The following MBTPS1 variants were observed in gnomAD, a reference collection of about 807,000 sequenced individuals.
MBTPS1 encodes the protein membrane-bound transcription factor site-1 protease.
A neutral mutation model predicts 127.8 loss-of-function variants in MBTPS1; 94 were observed. The observed-to-expected ratio is 0.74, with a 90% CI of 0.62 to 0.87. The LOEUF (loss-of-function observed/expected upper bound fraction) is 0.87. MBTPS1 is among the 40% of genes least tolerant of loss of function. The probability of loss-of-function intolerance (pLI) is 0.00; values close to 1 mark genes in which losing one functional copy is unlikely to be tolerated. For synonymous variants in MBTPS1, 632 were observed against 509.4 expected (o/e 1.24, Z -3.24); for missense variants, 1,636 against 1,353.2 (o/e 1.21, Z -3.28).
intron 11 of MBTPS1, chr16:84,075,709 G>T (rs2085846033): frequency 6.6e-6 from 1 of 152,178 alleles, no homozygotes; most frequent in South Asian, 2.1e-4. Context: ...GATGTATCTG[G>T]GCCAACTGAA....
chr16:84,059,765 C>A, intron 20 of MBTPS1: 1 of 166,704 alleles, frequency 6.0e-6, no homozygotes, highest in Non-Finnish European at 1.3e-5. Flanking sequence ...AGACCGGTTT[C>A]ATGGAAAAAA....
chr16:84,084,768 TTATA>T (rs991244100), intron 10 of MBTPS1, among the ~76,000 whole-genome samples: 44 of 152,346 alleles, frequency 2.9e-4, no homozygotes, highest in Admixed American at 5.2e-4. Context: ...TTACTTAGGC[TTATA>T]AAGTGTGTTC....
chr16:84,080,921 A>T (rs546885574), intron 11 of MBTPS1, among the ~76,000 whole-genome samples: 5 of 152,188 alleles, frequency 3.3e-5, no homozygotes, highest in African/African-American at 1.2e-4. Context: ...ACATTAATCA[A>T]ATGATGAAAA....
At chr16:84,083,683 T>C (rs772373707) in intron 10 of MBTPS1, among the ~76,000 whole-genome samples, 1 of 152,196 alleles carries the variant, frequency 6.6e-6, no homozygotes, top group Non-Finnish European at 1.5e-5. Context: ...GAACTTAAAA[T>C]ATAAAGACAT....
At chr16:84,110,667 C>T (rs968160771) in intron 1 of MBTPS1, 2 of 152,180 alleles carry the variant, frequency 1.3e-5, no homozygotes, top group African/African-American at 2.4e-5. Context: ...GTTACTACCC[C>T]CACTTTCAGA....
rs574797728 is a variant in MBTPS1 at position 84,110,100 on chromosome 16, T to G, written c.-325+6635A>C. Among the ~76,000 whole-genome samples the G allele has an allele frequency of 2.6e-5, 4 of 152,368 alleles. No homozygotes were observed. The East Asian group carries it at 7.7e-4, about 29-fold the overall frequency. On this transcript the variant is annotated intron_variant, in intron 1 of 22. Transcript: ENST00000343411. ...ACGCATGAGGCTGGGCTATTTTAAA[T>G]GTGGTGACAGGCACATTCTAAGCCT...
At chr16:84,114,578 C>G (rs1340302938) in intron 1 of MBTPS1, among the ~76,000 whole-genome samples, 1 of 151,902 alleles carries the variant, frequency 6.6e-6, no homozygotes, top group African/African-American at 2.4e-5. Context: ...CGCCTGTAAT[C>G]CCAGCACTTT....
chr16:84,066,707 C>T, intron 16 of MBTPS1, 94 bp from the exon 17 acceptor site: 1 of 1,274,896 alleles, frequency 7.8e-7, no homozygotes, highest in South Asian at 1.4e-5. Flanking sequence ...ATTTCTCCTG[C>T]CACAATCCAG....
chr16:84,079,598 C>T (rs1001544201), intron 11 of MBTPS1, among the ~76,000 whole-genome samples: 7 of 152,304 alleles, frequency 4.6e-5, no homozygotes, highest in South Asian at 2.1e-4. Context: ...CTGCTCAGTA[C>T]GTATACACTA....
intron 1 of MBTPS1, among the ~76,000 whole-genome samples, chr16:84,108,116 G>A (rs1384983624): frequency 2.0e-5 from 3 of 151,930 alleles, no homozygotes; most frequent in Non-Finnish European, 4.4e-5. Context: ...TGTGACGAAT[G>A]GTCCCTCCTG....
In MBTPS1 at chr16:84,089,464, A is replaced by G. The variant is rs114713938; in HGVS notation, c.1031+1411T>C. On this transcript the variant is annotated intron_variant, in intron 8 of 22. Coordinates refer to ENST00000343411, the MANE Select transcript of MBTPS1 (RefSeq NM_003791.4). ...AAATGTGGATTTCATCTATTAGGCA[A>G]TAATAAACTGCTGCAGATTCTTGAT... Among the ~76,000 whole-genome samples, 514 of 152,396 alleles carry G rather than the reference A, an allele frequency of 3.4e-3. 3 individuals are homozygous for G. Among genetic ancestry groups the G allele is most frequent in the African/African-American group, 0.011 (474 of 41,590 alleles).
At chr16:84,062,624 G>A (rs997440506) in intron 19 of MBTPS1, among the ~76,000 whole-genome samples, 1 of 152,058 alleles carries the variant, frequency 6.6e-6, no homozygotes, top group Non-Finnish European at 1.5e-5. Flanking sequence ...TTCAGTCCTG[G>A]TGTCATTATC....
In MBTPS1 at chr16:84,070,737, T is replaced by C; in HGVS notation, c.1633A>G (p.Ile545Val). 1 of 1,614,016 alleles carries C rather than the reference T, an allele frequency of 6.2e-7. No individual in the cohort carries two copies. Among genetic ancestry groups the C allele is most frequent in the Non-Finnish European group, 8.5e-7 (1 of 1,179,972 alleles). Residue 545 changes from isoleucine to valine, a missense_variant, in exon 13 of 23, where the codon ATT becomes GTT. Physicochemically the swap from Ile to Val is conservative, Grantham distance 29. Coordinates refer to ENST00000343411, the MANE Select transcript of MBTPS1 (RefSeq NM_003791.4). ...QPYLPQNGDN[I>V]EVAFSYSSVL... Reference sequence around the variant, plus strand: ...GAGGAGTAGGAGAAGGCAACTTCAATGTTGTCTCCGTTCTGTGGCAAATAG... The same window carrying C: ...GAGGAGTAGGAGAAGGCAACTTCAACGTTGTCTCCGTTCTGTGGCAAATAG...
At chr16:84,116,278 G>C (rs1000944692) in intron 1 of MBTPS1, among the ~76,000 whole-genome samples, 1 of 152,192 alleles carries the variant, frequency 6.6e-6, no homozygotes. Flanking sequence ...AGAAGCTACA[G>C]GTTTAAAAGG....
At chr16:84,059,949 A>C (rs1459362640) in intron 20 of MBTPS1, 1 of 152,482 alleles carries the variant, frequency 6.6e-6, no homozygotes, top group Non-Finnish European at 1.5e-5. Flanking sequence ...CTTGGGCTCA[A>C]GTATATTATT....
chr16:84,099,110 T>A lies in MBTPS1; in HGVS notation c.364A>T (p.Asn122Tyr), dbSNP rs200595364. 1.9e-5 allele frequency: 31 copies of A among 1,614,088 alleles called. No homozygotes were observed. Among genetic ancestry groups the A allele is most frequent in the Non-Finnish European group, 2.5e-5 (29 of 1,180,042 alleles). ...AGLLTLEDHP[N>Y]IKRVTPQRKV... ...CGTTGGGGCGTGACCCGTTTGATGTTTGGATGATCTTCAAGTGTTAGCAGC... is the reference window on the plus strand; with the variant it reads ...CGTTGGGGCGTGACCCGTTTGATGTATGGATGATCTTCAAGTGTTAGCAGC... Residue 122 changes from asparagine to tyrosine, a missense_variant, in exon 3 of 23, where the codon AAC becomes TAC. By Grantham distance (143) the Asn-to-Tyr change is moderately radical. Coordinates refer to ENST00000343411, the MANE Select transcript of MBTPS1 (RefSeq NM_003791.4).
chr16:84,116,746 G>C lies in MBTPS1; in HGVS notation c.-336C>G, dbSNP rs1036387612. 1 of 152,148 alleles carries C rather than the reference G, an allele frequency of 6.6e-6. No individual in the cohort carries two copies. Among genetic ancestry groups the C allele is most frequent in the Non-Finnish European group, 1.5e-5 (1 of 68,038 alleles). The allele number at this position is 152,148 out of a possible 1,614,324, so 9.4% of individuals were successfully genotyped here. ...GGCGGCTGACGTACCTGCGCCGCCG[G>C]GAGCTCAGGGCCGGCGGGCCCGGGA... On this transcript the variant is annotated 5_prime_UTR_variant, in exon 1 of 23. Transcript: ENST00000343411.
Position 84,089,995 on chromosome 16 carries a change from C to T in MBTPS1, c.1031+880G>A, listed in dbSNP as rs897068833. On this transcript the variant is annotated intron_variant, in intron 8 of 22. Transcript: ENST00000343411. ...TGGCTCATGATACGTATCACTGATG[C>T]GACAGCAAAATCCAGAACCCTGGAC... is the stretch of plus-strand genomic sequence containing the variant. 2.0e-5 allele frequency among the ~76,000 whole-genome samples: 3 copies of T among 152,140 alleles called. 1 individual carries two copies. Among genetic ancestry groups the T allele is most frequent in the South Asian group, 4.1e-4 (2 of 4,832 alleles).
intron 3 of MBTPS1, among the ~76,000 whole-genome samples, chr16:84,096,915 T>C (rs1349588139): frequency 6.6e-6 from 1 of 152,200 alleles, no homozygotes. Context: ...ACCTCCAGTA[T>C]TATACTCAGT....
Sources: allele counts gnomAD v4.1 joint callset (sites outside exome capture counted in the v4.1 genomes callset), GRCh38; gene constraint gnomAD v4.1.1; transcripts MANE v1.5; gene names NCBI Gene and HGNC (gene_info 2026-07-23, HGNC 2026-07-21).